Variants in GPX7 observed in about 807,000 individuals in gnomAD.
GPX7 encodes the protein glutathione peroxidase 7, also known as protein peroxidase GPX7.
GPX7 carries 21 observed loss-of-function variants against 23.7 expected under a neutral mutation model. That is an observed-to-expected ratio of 0.89 (90% CI 0.63 to 1.28). The LOEUF (loss-of-function observed/expected upper bound fraction) is 1.28. GPX7 is among the 50% of genes most tolerant of loss of function. GPX7 has a pLI of 0.00. For synonymous variants in GPX7, 112 were observed against 101.8 expected, an observed-to-expected ratio of 1.10 and a Z score of -0.61; for missense variants, 238 against 237.3, an observed-to-expected ratio of 1.00 and a Z score of -0.02.
intron 1 of GPX7, among the ~76,000 whole-genome samples, chr1:52,605,249 C>A (rs1423536426): frequency 6.6e-6 from 1 of 151,986 alleles, no homozygotes; most frequent in Admixed American, 6.6e-5. Flanking sequence ...TCCTTTCTCA[C>A]CTGGTGGAGG....
chr1:52,603,096 G>C (rs1690819588), intron 1 of GPX7, among the ~76,000 whole-genome samples: 1 of 152,146 alleles, frequency 6.6e-6, no homozygotes, highest in Non-Finnish European at 1.5e-5. Flanking sequence ...AGAGAGGGCA[G>C]GCATTCGCAC....
intron 1 of GPX7, among the ~76,000 whole-genome samples, chr1:52,605,045 TAAAAAAAAAAAA>T (rs59749784): frequency 1.2e-5 from 1 of 83,672 alleles, no homozygotes; most frequent in Admixed American, 1.6e-4. Flanking sequence ...ACTCTGTCTT[TAAAAAAAAAAAA>T]AAAAAAAAAA....
intron 1 of GPX7, among the ~76,000 whole-genome samples, chr1:52,606,314 G>T (rs553279939): frequency 7.2e-5 from 11 of 152,276 alleles, no homozygotes; most frequent in African/African-American, 2.6e-4. Flanking sequence ...ACCAGTATGT[G>T]TGCCCCAGTC....
chr1:52,602,404 C>A lies in GPX7; in HGVS notation c.-6C>A. On this transcript the variant is annotated 5_prime_UTR_variant, in exon 1 of 3. Transcript: ENST00000361314. ...CCTCGCGACGCCGCCACCTCCGGAA[C>A]AAGCCATGGTGGCGGCGACGGTGGC... 6.7e-7 allele frequency: 1 copy of A among 1,493,248 alleles called. No individual in the cohort carries two copies. Among genetic ancestry groups the A allele is most frequent in the Non-Finnish European group, 8.9e-7 (1 of 1,123,034 alleles). The allele number at this position is 1,493,248 out of a possible 1,614,324, so 92.5% of individuals were successfully genotyped here.
chr1:52,602,586 C>T (rs1307837835), intron 1 of GPX7, 39 bp downstream of exon 1: 2 of 1,421,260 alleles, frequency 1.4e-6, no homozygotes, highest in African/African-American at 1.5e-5. Flanking sequence ...TGGGCCCGGC[C>T]TCGCCCTGGC....
Position 52,608,545 on chromosome 1 carries a change from C to A in GPX7, c.*120C>A. The A allele has an allele frequency of 1.3e-6, 1 of 759,692 alleles. No individual in the cohort carries two copies. Among genetic ancestry groups the A allele is most frequent in the Non-Finnish European group, 1.9e-6 (1 of 514,198 alleles). 47.1% of individuals were successfully genotyped at this position (759,692 alleles called of 1,614,324 possible). On this transcript the variant is annotated 3_prime_UTR_variant, in exon 3 of 3. Transcript: ENST00000361314. ...GACTCTCCTTCCTTTACTCTTATGC[C>A]ATTGGTCCCATCATTCTTGTGGGGG...
Position 52,602,449 on chromosome 1 carries a change from T to C in GPX7, c.40T>C (p.Trp14Arg), listed in dbSNP as rs779154562. 1.3e-6 allele frequency: 2 copies of C among 1,532,786 alleles called. No individual in the cohort carries two copies. Among genetic ancestry groups the C allele is most frequent in the South Asian group, 1.2e-5 (1 of 82,106 alleles). The allele number at this position is 1,532,786 out of a possible 1,614,324, so 94.9% of individuals were successfully genotyped here. Residue 14 changes from tryptophan to arginine, a missense_variant, in exon 1 of 3, where the codon TGG becomes CGG. Transcript: ENST00000361314. ...GGTGGCAGCGGCGTGGCTGCTCCTGTGGGCTGCGGCCTGCGCGCAGCAGGA... is the reference window on the plus strand; with the variant it reads ...GGTGGCAGCGGCGTGGCTGCTCCTGCGGGCTGCGGCCTGCGCGCAGCAGGA... ...ATVAAAWLLL[W>R]AAACAQQEQD...
In GPX7 at chr1:52,608,277, A is replaced by G; in HGVS notation, c.416A>G (p.Glu139Gly). 6.2e-7 allele frequency: 1 copy of G among 1,612,262 alleles called. No individual in the cohort carries two copies. Among genetic ancestry groups the G allele is most frequent in the South Asian group, 1.1e-5 (1 of 90,964 alleles). Residue 139 changes from glutamate to glycine, a missense_variant, in exon 3 of 3, where the codon GAG (glutamate) becomes GGG (glycine). Transcript: ENST00000361314. Reference protein sequence around the residue: ...FKYLAQTSGKEPTWNFWKYLV... With the variant: ...FKYLAQTSGKGPTWNFWKYLV... ...TTTTCTCTAGAGACTTCTGGGAAGG[A>G]GCCCACCTGGAACTTCTGGAAGTAC...
chr1:52,603,756 C>G (rs529120965), intron 1 of GPX7, among the ~76,000 whole-genome samples: 62 of 152,230 alleles, frequency 4.1e-4, no homozygotes, highest in African/African-American at 1.5e-3. Flanking sequence ...TTGATTGTCC[C>G]CCAGAGTGTC....
chr1:52,602,959 C>A (rs1690817662), intron 1 of GPX7, among the ~76,000 whole-genome samples: 1 of 152,168 alleles, frequency 6.6e-6, no homozygotes, highest in Non-Finnish European at 1.5e-5. Flanking sequence ...GCATCTGGAA[C>A]GGGGAGTGGC....
In GPX7 at chr1:52,602,493, CA is replaced by C; in HGVS notation, c.86del (p.Lys29ArgfsTer23). On this transcript the variant is annotated frameshift_variant, in exon 1 of 3. Transcript: ENST00000361314. LOFTEE classifies it high-confidence loss of function. ...AGCAGGAGCAGGACTTCTACGACTT[CA>C]AGGCGGTCAACATCCGGGGCAAACT... is the stretch of plus-strand genomic sequence containing the variant. ...AQQEQDFYDFKAVNIRGKLVS... is the reference protein window; with the variant it reads ...AQQEQDFYDFXAVNIRGKLVS... The C allele has an allele frequency of 6.4e-7, 1 of 1,562,078 alleles. No individual in the cohort carries two copies. The highest frequency in any genetic ancestry group is 2.6e-5 in the East Asian group (1 of 37,906).
chr1:52,602,579 GC>G (rs745512058), intron 1 of GPX7, 32 bp downstream of exon 1: 1 of 1,446,212 alleles, frequency 6.9e-7, no homozygotes, highest in Non-Finnish European at 9.3e-7. Context: ...GCGCCGCTGG[GC>G]CCGGCCTCGC....
At chr1:52,607,143 G>C in intron 2 of GPX7, 198 bp downstream of exon 2, 1 of 616,430 alleles carries the variant, frequency 1.6e-6, no homozygotes, top group Non-Finnish European at 2.9e-6. Flanking sequence ...GGGTATTCCT[G>C]CCTAAGAATA....
rs375737537 is a variant in GPX7, at chr1:52,608,346, C to T, written c.485C>T (p.Thr162Ile). The T allele has an allele frequency of 1.1e-4, 172 of 1,613,996 alleles. No homozygotes were observed. The highest frequency in any genetic ancestry group is 1.3e-4 in the Non-Finnish European group (159 of 1,179,986). Reference protein sequence around the residue: ...DGKVVGAWDPTVSVEEVRPQI... With the variant: ...DGKVVGAWDPIVSVEEVRPQI... The stretch of plus-strand genomic sequence containing the variant: ...AAGGTGGTAGGGGCTTGGGACCCAA[C>T]TGTGTCAGTGGAGGAGGTCAGACCC... The change falls in exon 3 of 3, where the codon ACT (threonine) becomes ATT (isoleucine). Residue 162 changes from threonine to isoleucine, a missense_variant. By Grantham distance (89) the Thr-to-Ile change is moderately conservative (BLOSUM62 -1). Transcript: ENST00000361314.
rs201645639 is a variant in GPX7, at chr1:52,606,945, C to G, written c.400C>G (p.Gln134Glu). The change falls in exon 2 of 3, where the codon CAG (glutamine) becomes GAG (glutamate). Residue 134 changes from glutamine to glutamate, a missense_variant and splice_region_variant. Coordinates refer to ENST00000361314, the MANE Select transcript of GPX7 (RefSeq NM_015696.5). ...CCATCCTGCCTTCAAGTACCTGGCC[C>G]GTAAGTCCTGGTCTCTTCATCCCCT... ...GAHPAFKYLAQTSGKEPTWNF... is the reference protein window; with the variant it reads ...GAHPAFKYLAETSGKEPTWNF... 1.2e-6 allele frequency: 2 copies of G among 1,613,938 alleles called. No individual in the cohort carries two copies. The highest frequency in any genetic ancestry group is 2.2e-5 in the South Asian group (2 of 91,072).
chr1:52,607,200 T>C, intron 2 of GPX7: 1 of 526,326 alleles, frequency 1.9e-6, no homozygotes. Context: ...GTCACTCTTT[T>C]GGACTTTTCT....
chr1:52,608,468 G>A lies in GPX7; in HGVS notation c.*43G>A, dbSNP rs753401032. 36 of 1,544,576 alleles carry A rather than the reference G, an allele frequency of 2.3e-5. No individual in the cohort carries two copies. The Middle Eastern group carries it at 5.4e-4, about 23-fold the overall frequency. ...CCACCACCTCATCCCGCCCACCTGT[G>A]TGGGGCTGACCAATGCAAACTCAAA... On this transcript the variant is annotated 3_prime_UTR_variant, in exon 3 of 3. Transcript: ENST00000361314.
chr1:52,606,185 G>A (rs1241632681), intron 1 of GPX7, among the ~76,000 whole-genome samples: 1 of 152,152 alleles, frequency 6.6e-6, no homozygotes, highest in Non-Finnish European at 1.5e-5. Context: ...CCCTCAGTAG[G>A]TTCACATTCT....
chr1:52,606,541 T>TA, intron 1 of GPX7, 143 bp from the exon 2 acceptor site: 2 of 837,246 alleles, frequency 2.4e-6, no homozygotes, highest in Admixed American at 5.4e-5. Flanking sequence ...CACATTTACA[T>TA]ATGTGTACAC....
Sources: allele counts gnomAD v4.1 joint callset (sites outside exome capture counted in the v4.1 genomes callset), GRCh38; gene constraint gnomAD v4.1.1; transcripts MANE v1.5; gene names NCBI Gene and HGNC (gene_info 2026-07-23, HGNC 2026-07-21).